UTF1: variants seen among roughly 807,000 people sequenced by gnomAD.
UTF1 encodes undifferentiated embryonic cell transcription factor 1.
A neutral mutation model predicts 11.8 loss-of-function variants in UTF1; 8 were observed. The ratio of observed to expected loss-of-function variants is 0.68; its 90% confidence interval spans 0.40 to 1.23. The LOEUF is 1.23. UTF1 is among the 50% of genes most tolerant of loss of function. UTF1 has a pLI of 0.01. For synonymous variants in UTF1, 344 were observed against 271.7 expected (o/e 1.27, Z -2.62); for missense variants, 545 against 542.1 (o/e 1.01, Z -0.05).
chr10:133,231,548 GT>G lies in UTF1; in HGVS notation c.*110del. The G allele has an allele frequency of 9.8e-7, 1 of 1,018,342 alleles. No individual in the cohort carries two copies. Among genetic ancestry groups the G allele is most frequent in the Non-Finnish European group, 1.4e-6 (1 of 734,580 alleles). 63.1% of individuals were successfully genotyped at this position (1,018,342 alleles called of 1,614,324 possible). A position where few individuals can be genotyped will look rare whatever the true frequency, so the allele number is the denominator to read the frequency against. ...CTTGGGTATGTTCAATAAAAGGATT[GT>G]TTTCCTAGAGTCCGGGCTGTGTAGG... On this transcript the variant is annotated 3_prime_UTR_variant, in exon 2 of 2. Coordinates refer to ENST00000304477, the MANE Select transcript of UTF1 (RefSeq NM_003577.3).
Position 133,231,517 on chromosome 10 carries a change from C to A in UTF1, c.*75C>A. Reference sequence around the variant, plus strand: ...TGACCCCTCCTGCTGCCTTCCCACCCCCGTTCTTGGGTATGTTCAATAAAA... The same window carrying A: ...TGACCCCTCCTGCTGCCTTCCCACCACCGTTCTTGGGTATGTTCAATAAAA... On this transcript the variant is annotated 3_prime_UTR_variant, in exon 2 of 2. Coordinates refer to ENST00000304477, the MANE Select transcript of UTF1 (RefSeq NM_003577.3). The A allele has an allele frequency of 1.7e-6, 2 of 1,205,274 alleles. No homozygotes were observed. The highest frequency in any genetic ancestry group is 1.1e-6 in the Non-Finnish European group (1 of 907,962). The allele number at this position is 1,205,274 out of a possible 1,614,324, so 74.7% of individuals were successfully genotyped here. A position where few individuals can be genotyped will look rare whatever the true frequency, so the allele number is the denominator to read the frequency against.
In UTF1 at chr10:133,231,170, C is replaced by A. The variant is rs1308632315; in HGVS notation, c.754C>A (p.Arg252Ser). The change falls in exon 2 of 2, where the codon CGC (arginine) becomes AGC (serine). Residue 252 changes from arginine to serine, a missense_variant. By Grantham distance (110) the Arg-to-Ser change is moderately radical (BLOSUM62 -1). Coordinates refer to ENST00000304477, the MANE Select transcript of UTF1 (RefSeq NM_003577.3). ...GPGSPPPPPA[R>S]EDPDSPPGRP... is the part of the protein sequence containing the mutation. ...CGGGTCCCCGCCGCCACCCCCGGCC[C>A]GCGAAGACCCCGACTCGCCGCCCGG... 1.0e-5 allele frequency: 13 copies of A among 1,301,508 alleles called. No homozygotes were observed. In the African/African-American group the frequency reaches 1.2e-4, roughly 12 times the overall value. The allele number at this position is 1,301,508 out of a possible 1,614,324, so 80.6% of individuals were successfully genotyped here. A position where few individuals can be genotyped will look rare whatever the true frequency, so the allele number is the denominator to read the frequency against.
In UTF1 at chr10:133,231,149, TC is replaced by T. The variant is rs1458548251; in HGVS notation, c.737del (p.Pro246ArgfsTer30). ...CCGCGCGCCCGTCCGCGGCCCCGGG[TC>T]CCCGCCGCCACCCCCGGCCCGCGAA... ...EDRAPVRGPG[S>X]PPPPPAREDP... On this transcript the variant is annotated frameshift_variant, in exon 2 of 2. Coordinates refer to ENST00000304477, the MANE Select transcript of UTF1 (RefSeq NM_003577.3). LOFTEE classifies it low-confidence loss of function (END_TRUNC). 8.3e-7 allele frequency: 1 copy of T among 1,205,978 alleles called. No homozygotes were observed. Among genetic ancestry groups the T allele is most frequent in the Non-Finnish European group, 1.0e-6 (1 of 981,496 alleles). The allele number at this position is 1,205,978 out of a possible 1,614,324, so 74.7% of individuals were successfully genotyped here.
chr10:133,231,153 C>T lies in UTF1; in HGVS notation c.737C>T (p.Pro246Leu), dbSNP rs1297736609. The change falls in exon 2 of 2, where the codon CCG (proline) becomes CTG (leucine). Residue 246 changes from proline (P) to leucine (L), a missense_variant. Physicochemically the swap from Pro to Leu is moderately conservative, Grantham distance 98. Around this residue, in one of 3 missense-constraint regions of UTF1, gnomAD observed 394 missense variants for 341.5 expected, o/e 1.15. Transcript: ENST00000304477. ...DRAPVRGPGS[P>L]PPPPAREDPD... ...GCGCCCGTCCGCGGCCCCGGGTCCC[C>T]GCCGCCACCCCCGGCCCGCGAAGAC... 1.4e-4 allele frequency: 169 copies of T among 1,242,320 alleles called. No homozygotes were observed. The highest frequency in any genetic ancestry group is 1.6e-4 in the Non-Finnish European group (161 of 997,984). 77.0% of individuals were successfully genotyped at this position (1,242,320 alleles called of 1,614,324 possible).
chr10:133,231,069 C>T lies in UTF1; in HGVS notation c.653C>T (p.Pro218Leu), dbSNP rs1387454115. 7.7e-7 allele frequency: 1 copy of T among 1,299,266 alleles called. No individual in the cohort carries two copies. The highest frequency in any genetic ancestry group is 1.6e-5 in the African/African-American group (1 of 64,456). The allele number at this position is 1,299,266 out of a possible 1,614,324, so 80.5% of individuals were successfully genotyped here. A position where few individuals can be genotyped will look rare whatever the true frequency, so the allele number is the denominator to read the frequency against. ...PPKSADASPA[P>L]GSPPAPAPTA... ...AAGTCTGCGGACGCCTCCCCCGCCC[C>T]CGGCTCCCCGCCAGCTCCCGCCCCG... is the stretch of plus-strand genomic sequence containing the variant. Residue 218 changes from proline to leucine, a missense_variant, in exon 2 of 2, where the codon CCC becomes CTC. Physicochemically the swap from Pro to Leu is moderately conservative, Grantham distance 98. Transcript: ENST00000304477.
rs1488522128 is a variant in UTF1, at chr10:133,231,160, A to C, written c.744A>C (p.Pro248=). 1.7e-6 allele frequency: 2 copies of C among 1,181,550 alleles called. No individual in the cohort carries two copies. Among genetic ancestry groups the C allele is most frequent in the Admixed American group, 5.5e-5 (1 of 18,170 alleles). The allele number at this position is 1,181,550 out of a possible 1,614,324, so 73.2% of individuals were successfully genotyped here. Residue 248 remains proline, a synonymous_variant, in exon 2 of 2, where the codon CCA becomes CCC. Coordinates refer to ENST00000304477, the MANE Select transcript of UTF1 (RefSeq NM_003577.3). The part of the protein sequence containing the change: ...APVRGPGSPP[P]PPAREDPDSP... Reference sequence around the variant, plus strand: ...TCCGCGGCCCCGGGTCCCCGCCGCCACCCCCGGCCCGCGAAGACCCCGACT... The same window carrying C: ...TCCGCGGCCCCGGGTCCCCGCCGCCCCCCCCGGCCCGCGAAGACCCCGACT...
In UTF1 at chr10:133,230,308, G is replaced by A. The variant is rs892573268; in HGVS notation, c.20G>A (p.Arg7Lys). 3 of 1,079,444 alleles carry A rather than the reference G, an allele frequency of 2.8e-6. No homozygotes were observed. The highest frequency in any genetic ancestry group is 1.7e-5 in the African/African-American group (1 of 58,988). 66.9% of individuals were successfully genotyped at this position (1,079,444 alleles called of 1,614,324 possible). A position where few individuals can be genotyped will look rare whatever the true frequency, so the allele number is the denominator to read the frequency against. Residue 7 changes from arginine (R) to lysine (K), a missense_variant, in exon 1 of 2, where the codon AGG becomes AAG. Around this residue, in one of 3 missense-constraint regions of UTF1, gnomAD observed 129 missense variants for 148.5 expected, o/e 0.87. Transcript: ENST00000304477. Reference sequence around the variant, plus strand: ...CCCGGGATGCTGCTCCGGCCCCGCAGGCCGCCCCCGCTCGCGCCCCCCGCG... The same window carrying A: ...CCCGGGATGCTGCTCCGGCCCCGCAAGCCGCCCCCGCTCGCGCCCCCCGCG... MLLRPR[R>K]PPPLAPPAPP...
At chr10:133,230,871 G>A (rs947208025) in intron 1 of UTF1, 33 bp downstream of exon 1, 3 of 1,283,338 alleles carry the variant, frequency 2.3e-6, no homozygotes, top group Non-Finnish European at 2.0e-6. Flanking sequence ...AGGTGGGGCC[G>A]AGGACTGCGG....
intron 1 of UTF1, 27 bp from the exon 2 acceptor site, chr10:133,230,940 G>A (rs1200618587): frequency 7.7e-7 from 1 of 1,295,748 alleles, no homozygotes; most frequent in African/African-American, 1.6e-5. Flanking sequence ...GCGAAAATCC[G>A]CCCGACCGCC....
At chr10:133,230,906 G>C in intron 1 of UTF1, 61 bp from the exon 2 acceptor site, 1 of 1,282,296 alleles carries the variant, frequency 7.8e-7, no homozygotes. Flanking sequence ...GCCGAGGGCT[G>C]CGGGGGAGGG....
At position 133,230,651 on chromosome 10, in the gene UTF1, T is replaced by C; in HGVS notation, c.363T>C (p.Leu121=). The change falls in exon 1 of 2, where the codon CTT becomes CTC. Residue 121 remains leucine, a synonymous_variant. Transcript: ENST00000304477. ...AGTGCCGCCGCCGCTACAAGTTCCTTAAAGACAAGTTTCGCGAGGCGCACG... is the reference window on the plus strand; with the variant it reads ...AGTGCCGCCGCCGCTACAAGTTCCTCAAAGACAAGTTTCGCGAGGCGCACG... ...PAQCRRRYKF[L]KDKFREAHGQ... is the part of the protein sequence containing the mutation. The C allele has an allele frequency of 1.3e-6, 2 of 1,484,712 alleles. No homozygotes were observed. The highest frequency in any genetic ancestry group is 1.8e-6 in the Non-Finnish European group (2 of 1,125,828). 92.0% of individuals were successfully genotyped at this position (1,484,712 alleles called of 1,614,324 possible).
Position 133,230,387 on chromosome 10 carries a change from G to A in UTF1, c.99G>A (p.Pro33=). ...DPEPRTPGDA[P]GTPPRRPASP... ...AGCCGCGGACACCCGGAGACGCCCC[G>A]GGGACCCCGCCCCGGAGGCCCGCCT... The change falls in exon 1 of 2, where the codon CCG becomes CCA. Residue 33 remains proline, a synonymous_variant. Coordinates refer to ENST00000304477, the MANE Select transcript of UTF1 (RefSeq NM_003577.3). 1 of 1,276,564 alleles carries A rather than the reference G, an allele frequency of 7.8e-7. No individual in the cohort carries two copies. Among genetic ancestry groups the A allele is most frequent in the Non-Finnish European group, 9.9e-7 (1 of 1,008,106 alleles). 79.1% of individuals were successfully genotyped at this position (1,276,564 alleles called of 1,614,324 possible).
rs959938365 is a variant in UTF1 at position 133,231,262 on chromosome 10, C to G, written c.846C>G (p.Thr282=). ...PPSLNTALLQ[T]LGHLGDIANI... is the part of the protein sequence containing the mutation. ...CGCTGAACACCGCCCTGCTGCAGACCCTGGGGCACCTGGGCGACATCGCGA... is the reference window on the plus strand; with the variant it reads ...CGCTGAACACCGCCCTGCTGCAGACGCTGGGGCACCTGGGCGACATCGCGA... Residue 282 remains threonine, a synonymous_variant, in exon 2 of 2, where the codon ACC becomes ACG. Transcript: ENST00000304477. 6 of 1,581,142 alleles carry G rather than the reference C, an allele frequency of 3.8e-6. No individual in the cohort carries two copies. The East Asian group carries it at 9.2e-5, about 24-fold the overall frequency.
rs1285318024 is a variant in UTF1 at position 133,231,024 on chromosome 10, G to A, written c.608G>A (p.Arg203His). The A allele has an allele frequency of 7.5e-7, 1 of 1,327,810 alleles. No individual in the cohort carries two copies. Among genetic ancestry groups the A allele is most frequent in the South Asian group, 2.0e-5 (1 of 50,922 alleles). The allele number at this position is 1,327,810 out of a possible 1,614,324, so 82.3% of individuals were successfully genotyped here. ...GACGCGGACCCCACCTGGACGCTCC[G>A]CTTCAGCCCGTCCCCACCGAAGTCT... is the stretch of plus-strand genomic sequence containing the variant. The part of the protein sequence containing the change: ...DRDADPTWTL[R>H]FSPSPPKSAD... The change falls in exon 2 of 2, where the codon CGC becomes CAC. Residue 203 changes from arginine (R) to histidine (H), a missense_variant. Physicochemically the swap from Arg to His is conservative, Grantham distance 29. Transcript: ENST00000304477.
rs1293833654 is a variant in UTF1 at position 133,230,459 on chromosome 10, G to C, written c.171G>C (p.Ser57=). Residue 57 remains serine (S), a synonymous_variant, in exon 1 of 2, where the codon TCG becomes TCC. Coordinates refer to ENST00000304477, the MANE Select transcript of UTF1 (RefSeq NM_003577.3). ...GELGLPVSPG[S]AQRTPWSARE... ...TCGGGTTGCCGGTGTCCCCGGGCTC[G>C]GCGCAGCGCACGCCCTGGAGCGCCC... is the stretch of plus-strand genomic sequence containing the variant. 2.1e-6 allele frequency: 3 copies of C among 1,409,176 alleles called. No individual in the cohort carries two copies. In the East Asian group the frequency reaches 9.6e-5, roughly 45 times the overall value. The allele number at this position is 1,409,176 out of a possible 1,614,324, so 87.3% of individuals were successfully genotyped here.
In UTF1 at chr10:133,230,414, G is replaced by C. The variant is rs1385677164; in HGVS notation, c.126G>C (p.Ser42=). ...APGTPPRRPA[S]PSALGELGLP... ...GGACCCCGCCCCGGAGGCCCGCCTC[G>C]CCCAGCGCGCTGGGGGAACTCGGGT... The change falls in exon 1 of 2, where the codon TCG becomes TCC. Residue 42 remains serine (S), a synonymous_variant. Coordinates refer to ENST00000304477, the MANE Select transcript of UTF1 (RefSeq NM_003577.3). 1.5e-6 allele frequency: 2 copies of C among 1,345,720 alleles called. No individual in the cohort carries two copies. The highest frequency in any genetic ancestry group is 3.1e-5 in the Admixed American group (1 of 32,018). The allele number at this position is 1,345,720 out of a possible 1,614,324, so 83.4% of individuals were successfully genotyped here.
In UTF1 at chr10:133,230,743, G is replaced by T. The variant is rs754427104; in HGVS notation, c.455G>T (p.Arg152Leu). 6.3e-5 allele frequency: 89 copies of T among 1,419,444 alleles called. No homozygotes were observed. The highest frequency in any genetic ancestry group is 7.7e-5 in the Non-Finnish European group (84 of 1,088,256). The allele number at this position is 1,419,444 out of a possible 1,614,324, so 87.9% of individuals were successfully genotyped here. A position where few individuals can be genotyped will look rare whatever the true frequency, so the allele number is the denominator to read the frequency against. The change falls in exon 1 of 2, where the codon CGC becomes CTC. Residue 152 changes from arginine (R) to leucine (L), a missense_variant. Arg to Leu is a moderately radical substitution (Grantham distance 102). This residue lies in a region of UTF1 where 394 missense variants were observed against 341.5 expected (regional missense o/e 1.15). Transcript: ENST00000304477. ...ATGGGGCTGCTGGGCGACAACGGGC[G>T]CAAACGGCCTCGCCGCCGCTCCCCG... ...KLMGLLGDNG[R>L]KRPRRRSPGS...
rs951503084 is a variant in UTF1 at position 133,231,553 on chromosome 10, C to T, written c.*111C>T. ...GTATGTTCAATAAAAGGATTGTTTT[C>T]CTAGAGTCCGGGCTGTGTAGGAGTG... is the stretch of plus-strand genomic sequence containing the variant. On this transcript the variant is annotated 3_prime_UTR_variant, in exon 2 of 2. Transcript: ENST00000304477. 1.1e-5 allele frequency: 11 copies of T among 986,186 alleles called. No individual in the cohort carries two copies. Among genetic ancestry groups the T allele is most frequent in the East Asian group, 5.9e-5 (2 of 34,000 alleles). The allele number at this position is 986,186 out of a possible 1,614,324, so 61.1% of individuals were successfully genotyped here.
rs1295961873 is a variant in UTF1 at position 133,231,515 on chromosome 10, C to A, written c.*73C>A. The A allele has an allele frequency of 4.1e-6, 5 of 1,217,740 alleles. No individual in the cohort carries two copies. The East Asian group carries it at 1.2e-4, about 29-fold the overall frequency. The allele number at this position is 1,217,740 out of a possible 1,614,324, so 75.4% of individuals were successfully genotyped here. On this transcript the variant is annotated 3_prime_UTR_variant, in exon 2 of 2. Coordinates refer to ENST00000304477, the MANE Select transcript of UTF1 (RefSeq NM_003577.3). ...CCTGACCCCTCCTGCTGCCTTCCCA[C>A]CCCCGTTCTTGGGTATGTTCAATAA...
Sources: allele counts gnomAD v4.1 joint callset, GRCh38; gene constraint gnomAD v4.1.1; regional missense constraint gnomAD v4.1.1; transcripts MANE v1.5; gene names NCBI Gene and HGNC (gene_info 2026-07-23, HGNC 2026-07-21).